The following IL1RAPL1 variants were observed in gnomAD, a reference collection of about 807,000 sequenced individuals.
IL1RAPL1 encodes the protein interleukin 1 receptor accessory protein like 1.
In IL1RAPL1, 3 loss-of-function variants were observed where a neutral mutation model predicts 48.4. The observed-to-expected ratio is 0.06, with a 90% CI of 0.03 to 0.16. The LOEUF (loss-of-function observed/expected upper bound fraction) is 0.16. IL1RAPL1 is among the 10% of genes least tolerant of loss of function. The pLI is 1.00. For synonymous variants in IL1RAPL1, 185 were observed against 187.7 expected (o/e 0.99, Z 0.12); for missense variants, 349 against 530.6 (o/e 0.66, Z 3.36).
chrX:28,894,966 G>A (rs908774562), intron 2 of IL1RAPL1, among the ~76,000 whole-genome samples: 1 of 110,933 alleles, frequency 9.0e-6, no homozygotes, highest in Non-Finnish European at 1.9e-5. Context: ...CTGAAGTAAT[G>A]GGGGCTGTCT....
rs891173572 is a variant in IL1RAPL1, at chrX:29,038,610, G to A, written c.83-244328G>A. On this transcript the variant is annotated intron_variant, in intron 2 of 10. Transcript: ENST00000378993. ...GGGCCATTGGTACTAGTCTTCATGT[G>A]TGGGGACAAAGGGACAGAGTTTTAA... Among the ~76,000 whole-genome samples the A allele has an allele frequency of 2.7e-5, 3 of 111,529 alleles. No homozygotes were observed. In the Admixed American group the frequency reaches 2.9e-4, roughly 11 times the overall value.
chrX:28,965,533 C>G (rs1448251012), intron 2 of IL1RAPL1, among the ~76,000 whole-genome samples: 2 of 111,889 alleles, frequency 1.8e-5, no homozygotes, highest in Admixed American at 1.9e-4. Context: ...GTTATAGTCT[C>G]TAAGGACAGC....
At chrX:29,187,909 G>T (rs1930282582) in intron 2 of IL1RAPL1, among the ~76,000 whole-genome samples, 1 of 111,626 alleles carries the variant, frequency 9.0e-6, no homozygotes, top group African/African-American at 3.3e-5. Flanking sequence ...ATACTTATTT[G>T]GCACAAGGGA....
chrX:29,140,850 G>A (rs1342460755), intron 2 of IL1RAPL1, among the ~76,000 whole-genome samples: 1 of 110,938 alleles, frequency 9.0e-6, no homozygotes, highest in East Asian at 2.8e-4. Flanking sequence ...TGAAGGTGTA[G>A]CCTTTATGAC....
intron 6 of IL1RAPL1, among the ~76,000 whole-genome samples, chrX:29,720,254 T>A (rs1171514089): frequency 9.1e-6 from 1 of 110,494 alleles, no homozygotes; most frequent in Non-Finnish European, 1.9e-5. Flanking sequence ...CATTACTGGG[T>A]ATATACCCAA....
intron 5 of IL1RAPL1, among the ~76,000 whole-genome samples, chrX:29,564,800 T>C (rs1435486999): frequency 4.4e-5 from 5 of 112,977 alleles, no homozygotes; most frequent in African/African-American, 1.6e-4. Context: ...ATTACAAATT[T>C]AGTGGCTTAA....
At chrX:28,794,753 A>G (rs1363918586) in intron 2 of IL1RAPL1, among the ~76,000 whole-genome samples, 2 of 112,305 alleles carry the variant, frequency 1.8e-5, no homozygotes, top group Admixed American at 9.5e-5. Context: ...AATTTATAAA[A>G]GGTAAGAGTA....
intron 2 of IL1RAPL1, among the ~76,000 whole-genome samples, chrX:29,015,958 T>G (rs1270928377): frequency 8.9e-6 from 1 of 111,951 alleles, no homozygotes; most frequent in Non-Finnish European, 1.9e-5. Flanking sequence ...TGTACAACAG[T>G]TCTTCATTTC....
chrX:29,785,158 A>G, intron 6 of IL1RAPL1, among the ~76,000 whole-genome samples: 1 of 112,393 alleles, frequency 8.9e-6, no homozygotes, highest in Non-Finnish European at 1.9e-5. Context: ...GCAAATAATT[A>G]TAGCAAACTT....
intron 5 of IL1RAPL1, among the ~76,000 whole-genome samples, chrX:29,438,267 C>G (rs1405334911): frequency 2.7e-5 from 3 of 111,018 alleles, no homozygotes; most frequent in Non-Finnish European, 5.7e-5. Flanking sequence ...TGTCTTTTCT[C>G]TTTTTGTCTT....
intron 6 of IL1RAPL1, among the ~76,000 whole-genome samples, chrX:29,718,120 C>T (rs979729868): frequency 5.4e-5 from 6 of 111,433 alleles, no homozygotes; most frequent in Admixed American, 9.6e-5. Flanking sequence ...CGGATAAGGT[C>T]GGCTAGAAGC....
intron 6 of IL1RAPL1, among the ~76,000 whole-genome samples, chrX:29,803,295 GTATACATATACACACA>G (rs1930114941): frequency 5.0e-5 from 1 of 19,812 alleles, no homozygotes; most frequent in African/African-American, 2.3e-4. Context: ...ATGTATATAT[GTATACATATACACACA>G]TGTATATATG....
At chrX:29,035,000 G>T (rs1926701125) in intron 2 of IL1RAPL1, among the ~76,000 whole-genome samples, 1 of 110,903 alleles carries the variant, frequency 9.0e-6, no homozygotes, top group South Asian at 3.8e-4. Flanking sequence ...GACTACAGGT[G>T]CCTGCCACCA....
At chrX:29,944,490 ACTTT>A (rs1178504102) in intron 9 of IL1RAPL1, among the ~76,000 whole-genome samples, 4 of 111,962 alleles carry the variant, frequency 3.6e-5, no homozygotes, top group African/African-American at 6.5e-5. Flanking sequence ...TATAATTGCA[ACTTT>A]CTTTAATTCT....
intron 2 of IL1RAPL1, among the ~76,000 whole-genome samples, chrX:29,207,505 A>G (rs1432030430): frequency 8.9e-6 from 1 of 112,012 alleles, no homozygotes; most frequent in Non-Finnish European, 1.9e-5. Context: ...ATTTCATTAC[A>G]TTTGGCCAGT....
At chrX:29,563,760 A>G (rs1035772928) in intron 5 of IL1RAPL1, among the ~76,000 whole-genome samples, 16 of 112,133 alleles carry the variant, frequency 1.4e-4, no homozygotes, top group African/African-American at 5.2e-4. Context: ...ATTTAGAGTT[A>G]TTATCAACTT....
chrX:28,801,431 T>C (rs1295210961), intron 2 of IL1RAPL1, among the ~76,000 whole-genome samples: 1 of 111,450 alleles, frequency 9.0e-6, no homozygotes, highest in Non-Finnish European at 1.9e-5. Context: ...TGATACTGAT[T>C]TAATTTTCGT....
chrX:28,595,355 A>G (rs1264254205), intron 1 of IL1RAPL1, among the ~76,000 whole-genome samples: 1 of 112,608 alleles, frequency 8.9e-6, no homozygotes, highest in Non-Finnish European at 1.9e-5. Context: ...ATCATCGTTA[A>G]TATGCTAAAG....
At chrX:29,557,066 C>A (rs1569338097) in intron 5 of IL1RAPL1, among the ~76,000 whole-genome samples, 1 of 111,851 alleles carries the variant, frequency 8.9e-6, no homozygotes, top group Non-Finnish European at 1.9e-5. Context: ...TTATTATAGT[C>A]ATTTTTCCAT....
Sources: gnomAD v4.1 joint callset for allele counts (sites outside exome capture counted in the v4.1 genomes callset) on GRCh38, gnomAD v4.1.1 for gene constraint, MANE v1.5 for transcripts, NCBI Gene and HGNC (gene_info 2026-07-23, HGNC 2026-07-21) for gene names.